The following PDE4D variants were observed in gnomAD, a reference collection of about 807,000 sequenced individuals.
PDE4D encodes the protein phosphodiesterase 4D.
In PDE4D, 24 loss-of-function variants were observed where a neutral mutation model predicts 87.4. The observed-to-expected ratio is 0.27, with a 90% CI of 0.20 to 0.39. The LOEUF (loss-of-function observed/expected upper bound fraction) is 0.39, where lower values mean the gene tolerates loss of function less well. PDE4D is among the 10% of genes least tolerant of loss of function. The pLI is 1.00. For synonymous variants in PDE4D, 384 were observed against 383.2 expected, an observed-to-expected ratio of 1.00 and a Z score of -0.02; for missense variants, 714 against 1,041.0, an observed-to-expected ratio of 0.69 and a Z score of 4.32.
At chr5:59,738,503 C>G (rs1214661819) in intron 1 of PDE4D, among the ~76,000 whole-genome samples, 1 of 151,932 alleles carries the variant, frequency 6.6e-6, no homozygotes, top group Non-Finnish European at 1.5e-5. Context: ...TTTGAATACA[C>G]ACCTATTCAA....
intron 1 of PDE4D, among the ~76,000 whole-genome samples, chr5:59,331,458 T>C (rs768645880): frequency 4.8e-4 from 73 of 152,250 alleles, no homozygotes; most frequent in Middle Eastern, 3.4e-3. Flanking sequence ...ACCCTAATGA[T>C]CTCATTTTAT....
At chr5:59,145,665 A>G (rs1291417159) in intron 5 of PDE4D, among the ~76,000 whole-genome samples, 1 of 152,222 alleles carries the variant, frequency 6.6e-6, no homozygotes, top group East Asian at 1.9e-4. Context: ...TGAATGCCAT[A>G]AAAGTTATAC....
chr5:59,103,664 T>G (rs1395600301), intron 5 of PDE4D, among the ~76,000 whole-genome samples: 3 of 152,310 alleles, frequency 2.0e-5, no homozygotes, highest in African/African-American at 7.2e-5. Context: ...GAATATGATC[T>G]GCCTGACCCC....
intron 1 of PDE4D, among the ~76,000 whole-genome samples, chr5:59,590,294 G>T (rs1825740778): frequency 6.6e-6 from 1 of 152,104 alleles, no homozygotes; most frequent in South Asian, 2.1e-4. Context: ...CTAAAAACAA[G>T]TTGTCAAAAA....
chr5:59,786,925 T>G (rs556536241), intron 1 of PDE4D, among the ~76,000 whole-genome samples: 1 of 152,332 alleles, frequency 6.6e-6, no homozygotes, highest in Non-Finnish European at 1.5e-5. Flanking sequence ...CTACTATATT[T>G]CACAGGGAAA....
chr5:59,026,007 G>A (rs1170281449), intron 6 of PDE4D, among the ~76,000 whole-genome samples: 2 of 152,230 alleles, frequency 1.3e-5, no homozygotes, highest in African/African-American at 4.8e-5. Context: ...GCATGCCCTA[G>A]GCAAACATTG....
At chr5:60,480,376 T>TACGTAAAATGTAAAGC (rs1037821607) in intron 1 of PDE4D, among the ~76,000 whole-genome samples, 2 of 152,142 alleles carry the variant, frequency 1.3e-5, no homozygotes, top group African/African-American at 4.8e-5. Context: ...GAAATTAATA[T>TACGTAAAATGTAAAGC]ACGTAAAATG....
intron 5 of PDE4D, among the ~76,000 whole-genome samples, chr5:59,169,713 T>A (rs7728221): frequency 0.24 from 36,109 of 152,064 alleles, 4,558 homozygotes; most frequent in African/African-American, 0.29. Context: ...CAAGCTATCA[T>A]CAACTCAATG....
At chr5:59,038,763 C>A (rs1759027189) in intron 6 of PDE4D, 96 bp downstream of exon 6, 2 of 1,182,786 alleles carry the variant, frequency 1.7e-6, no homozygotes, top group South Asian at 1.9e-5. Flanking sequence ...CCTAAAAAAC[C>A]TCTCAATTTA....
chr5:59,968,990 C>T (rs1760385253), intron 3 of PDE4D, among the ~76,000 whole-genome samples: 1 of 124,882 alleles, frequency 8.0e-6, no homozygotes, highest in Admixed American at 8.6e-5. Flanking sequence ...GAAGAAAAGG[C>T]ACCCCCCCCC....
chr5:60,305,038 T>TATACACACACAC (rs1554202216), intron 1 of PDE4D, among the ~76,000 whole-genome samples: 68 of 135,938 alleles, frequency 5.0e-4, no homozygotes, highest in African/African-American at 1.4e-3. Context: ...TTTTGAGCTA[T>TATACACACACAC]ACACACACAC....
intron 1 of PDE4D, among the ~76,000 whole-genome samples, chr5:59,433,597 A>G (rs1485129726): frequency 6.6e-6 from 1 of 152,078 alleles, no homozygotes; most frequent in Non-Finnish European, 1.5e-5. Flanking sequence ...GATTAGAGCT[A>G]CCATCCATAC....
Position 59,145,459 on chromosome 5 carries a change from C to T in PDE4D, c.808+35136G>A, listed in dbSNP as rs182526364. ...ATCTTAAGAAATTTACTGAACAGCT[C>T]GGTTACTAAAAATGTACATCTATCT... is the stretch of plus-strand genomic sequence containing the variant. On this transcript the variant is annotated intron_variant, in intron 5 of 14. Coordinates refer to ENST00000340635, the MANE Select transcript of PDE4D (RefSeq NM_001104631.2). 4.6e-5 allele frequency among the ~76,000 whole-genome samples: 7 copies of T among 152,140 alleles called. No homozygotes were observed. In the East Asian group the frequency reaches 9.7e-4, roughly 21 times the overall value.
At chr5:58,992,086 T>G in intron 7 of PDE4D, 82 bp from the exon 8 acceptor site, 3 of 847,862 alleles carry the variant, frequency 3.5e-6, no homozygotes, top group Non-Finnish European at 3.3e-6. Context: ...AGGATTATAA[T>G]TGATCATTAT....
chr5:59,106,830 ACAAGACAAAAAT>A (rs1375307795), intron 5 of PDE4D, among the ~76,000 whole-genome samples: 3 of 152,232 alleles, frequency 2.0e-5, no homozygotes, highest in Non-Finnish European at 4.4e-5. Context: ...TGGAAAAAAC[ACAAGACAAAAAT>A]CCAGGTTTGA....
chr5:59,323,764 T>A (rs1775137291), intron 1 of PDE4D, among the ~76,000 whole-genome samples: 1 of 151,610 alleles, frequency 6.6e-6, no homozygotes, highest in Non-Finnish European at 1.5e-5. Flanking sequence ...GCAATCCAAT[T>A]TCCCACAGCA....
intron 1 of PDE4D, among the ~76,000 whole-genome samples, chr5:59,279,463 T>C (rs1765418186): frequency 6.6e-6 from 1 of 152,104 alleles, no homozygotes. Flanking sequence ...TCAAGGACTT[T>C]CCTACTGGCA....
At chr5:59,282,540 G>A (rs945051973) in intron 1 of PDE4D, among the ~76,000 whole-genome samples, 1 of 151,138 alleles carries the variant, frequency 6.6e-6, no homozygotes, top group South Asian at 2.1e-4. Flanking sequence ...CTACTTGGGA[G>A]GCTGAGGCAG....
chr5:59,125,310 T>G, intron 5 of PDE4D: 1 of 981,912 alleles, frequency 1.0e-6, no homozygotes, highest in Non-Finnish European at 1.2e-6. Context: ...GGTAATTTGG[T>G]CCACGAAAGA....
Sources: gnomAD v4.1 joint callset for allele counts (sites outside exome capture counted in the v4.1 genomes callset) on GRCh38, gnomAD v4.1.1 for gene constraint, MANE v1.5 for transcripts, NCBI Gene and HGNC (gene_info 2026-07-23, HGNC 2026-07-21) for gene names.